Variants in SLC25A46 observed in about 807,000 individuals in gnomAD.
The protein encoded by SLC25A46 is mitochondrial outer membrane protein SLC25A46.
A neutral mutation model predicts 44.6 loss-of-function variants in SLC25A46; 39 were observed. The observed-to-expected ratio is 0.87, with a 90% confidence interval of 0.68 to 1.14. The LOEUF is 1.14. Ranked by LOEUF, SLC25A46 falls within the 50% of genes most tolerant of loss-of-function variation. The pLI, the probability that SLC25A46 is intolerant of heterozygous loss-of-function variation, is 0.00. For synonymous variants in SLC25A46, 202 were observed against 185.8 expected (o/e 1.09, Z -0.71); for missense variants, 547 against 522.7 (o/e 1.05, Z -0.45).
chr5:110,761,676 G>C lies in SLC25A46; in HGVS notation c.1151G>C (p.Gly384Ala), dbSNP rs1580871153. 6.2e-7 allele frequency: 1 copy of C among 1,613,486 alleles called. No homozygotes were observed. Residue 384 changes from glycine (G) to alanine (A), a missense_variant, in exon 8 of 8, where the codon GGT (glycine) becomes GCT (alanine). Gly to Ala is a moderately conservative substitution (Grantham distance 60). Coordinates refer to ENST00000355943, the MANE Select transcript of SLC25A46 (RefSeq NM_138773.4). This position sits in a 1 kb window ranked among gnomAD's most constrained non-coding sequence, Gnocchi z 5.3. ...NTIRQEEGVF[G>A]FYKGFGAVII... ...ATAAGGCAGGAGGAAGGAGTGTTTG[G>C]TTTTTATAAAGGGTTTGGTGCTGTT... is the stretch of plus-strand genomic sequence containing the variant.
chr5:110,744,123 A>C (rs976020905), intron 3 of SLC25A46, among the ~76,000 whole-genome samples: 1 of 152,174 alleles, frequency 6.6e-6, no homozygotes, highest in Non-Finnish European at 1.5e-5. Context: ...AATATCTTTA[A>C]TATCTGACAT....
Position 110,761,857 on chromosome 5 carries a change from G to A in SLC25A46, c.*75G>A, listed in dbSNP as rs75091658. ...TGCTATGAAGTTATGAGGGATACAAGTGAAATACTGGGGAAGAAAATGGAT... is the reference window on the plus strand; with the variant it reads ...TGCTATGAAGTTATGAGGGATACAAATGAAATACTGGGGAAGAAAATGGAT... On this transcript the variant is annotated 3_prime_UTR_variant, in exon 8 of 8. Coordinates refer to ENST00000355943, the MANE Select transcript of SLC25A46 (RefSeq NM_138773.4). This position sits in a 1 kb window ranked among gnomAD's most constrained non-coding sequence, Gnocchi z 5.3. The A allele has an allele frequency of 1.8e-3, 2,136 of 1,189,206 alleles. 56 individuals are homozygous for A. The East Asian group carries it at 0.048, about 27-fold the overall frequency. The allele number at this position is 1,189,206 out of a possible 1,614,324, so 73.7% of individuals were successfully genotyped here.
Position 110,739,230 on chromosome 5 carries a change from G to C in SLC25A46, c.111G>C (p.Ser37=), listed in dbSNP as rs1799537094. 6.3e-7 allele frequency: 1 copy of C among 1,578,058 alleles called. No homozygotes were observed. Among genetic ancestry groups the C allele is most frequent in the Non-Finnish European group, 8.6e-7 (1 of 1,162,614 alleles). Residue 37 remains serine, a synonymous_variant, in exon 1 of 8, where the codon TCG becomes TCC. Coordinates refer to ENST00000355943, the MANE Select transcript of SLC25A46 (RefSeq NM_138773.4). ...CTGCAAGGTCCTTCAGCACCGGGTC[G>C]GACCTGGGCCACTGGGTGACGACTC... The part of the protein sequence containing the change: ...AFPARSFSTG[S]DLGHWVTTPP...
At chr5:110,752,232 A>C (rs1799983488) in intron 5 of SLC25A46, among the ~76,000 whole-genome samples, 1 of 152,168 alleles carries the variant, frequency 6.6e-6, no homozygotes, top group Non-Finnish European at 1.5e-5. Context: ...TAAGTCAGCA[A>C]ATTTATAATT....
chr5:110,743,060 C>T (rs900170736), intron 2 of SLC25A46, among the ~76,000 whole-genome samples: 1 of 151,606 alleles, frequency 6.6e-6, no homozygotes, highest in East Asian at 1.9e-4. Flanking sequence ...AATATTTATA[C>T]TTAAAGCTTT....
chr5:110,752,137 A>G (rs1799981351), intron 5 of SLC25A46, among the ~76,000 whole-genome samples: 1 of 152,128 alleles, frequency 6.6e-6, no homozygotes, highest in Admixed American at 6.5e-5. Flanking sequence ...CAGGGGAGAT[A>G]GTACAGATTT....
chr5:110,739,472 G>A, intron 1 of SLC25A46, 70 bp downstream of exon 1: 1 of 1,488,622 alleles, frequency 6.7e-7, no homozygotes. Context: ...TGCAGACCCC[G>A]GAAGCGGCGC....
intron 1 of SLC25A46, 93 bp downstream of exon 1, chr5:110,739,495 C>T: frequency 6.9e-7 from 1 of 1,453,204 alleles, no homozygotes; most frequent in Non-Finnish European, 9.1e-7. Flanking sequence ...AGGATCCCGC[C>T]TCCTATTCCT....
chr5:110,744,464 TAA>T (rs1799766860), intron 3 of SLC25A46, among the ~76,000 whole-genome samples: 1 of 152,370 alleles, frequency 6.6e-6, no homozygotes, highest in Admixed American at 6.5e-5. Flanking sequence ...TAATTGTGCA[TAA>T]GTTATTTGAA....
chr5:110,746,462 T>C (rs1306314650), intron 4 of SLC25A46, 116 bp downstream of exon 4: 1 of 644,640 alleles, frequency 1.6e-6, no homozygotes, highest in Non-Finnish European at 2.7e-6. Context: ...TTAACTGTTG[T>C]AGTAAAACTA....
chr5:110,751,534 G>A, intron 5 of SLC25A46, among the ~76,000 whole-genome samples: 1 of 152,194 alleles, frequency 6.6e-6, no homozygotes, highest in East Asian at 1.9e-4. Context: ...GCCAGAACAT[G>A]TGTGGCCCTG....
chr5:110,740,135 A>C (rs1016351525), intron 1 of SLC25A46, among the ~76,000 whole-genome samples: 1 of 152,200 alleles, frequency 6.6e-6, no homozygotes, highest in Non-Finnish European at 1.5e-5. Flanking sequence ...TCTCCATGGG[A>C]TGTCAGAAAA....
chr5:110,754,405 T>C (rs1800052265), intron 5 of SLC25A46: 1 of 151,360 alleles, frequency 6.6e-6, no homozygotes, highest in African/African-American at 2.4e-5. Context: ...TTCTTTTCTT[T>C]TTTTTTTACC....
chr5:110,753,820 C>G (rs1800033481), intron 5 of SLC25A46: 1 of 152,084 alleles, frequency 6.6e-6, no homozygotes, highest in Non-Finnish European at 1.5e-5. Flanking sequence ...GCTACCCAGT[C>G]CTAAGTGTTT....
At chr5:110,752,242 T>G (rs1799983546) in intron 5 of SLC25A46, among the ~76,000 whole-genome samples, 2 of 152,140 alleles carry the variant, frequency 1.3e-5, no homozygotes, top group Non-Finnish European at 1.5e-5. Context: ...AATTTATAAT[T>G]TCTCAGTAGT....
intron 7 of SLC25A46, among the ~76,000 whole-genome samples, chr5:110,757,330 A>G (rs979047016): frequency 3.3e-5 from 5 of 152,162 alleles, no homozygotes; most frequent in African/African-American, 1.2e-4. Flanking sequence ...TGGCGCTTCA[A>G]GTACATTTAA....
intron 3 of SLC25A46, 31 bp downstream of exon 3, chr5:110,743,818 A>C (rs746664290): frequency 1.4e-5 from 22 of 1,554,546 alleles, no homozygotes; most frequent in Non-Finnish European, 1.8e-6. Context: ...CTTTTGAAGC[A>C]ATACTTCTGA....
Position 110,741,937 on chromosome 5 carries a change from A to G in SLC25A46, c.284-110A>G, listed in dbSNP as rs546091572. Reference sequence around the variant, plus strand: ...ATTTGACTTTGAGGTTTAAATGAACAGCAGGTTAATAAAATAAATTTTTTA... The same window carrying G: ...ATTTGACTTTGAGGTTTAAATGAACGGCAGGTTAATAAAATAAATTTTTTA... On this transcript the variant is annotated intron_variant, in intron 1 of 7. Coordinates refer to ENST00000355943, the MANE Select transcript of SLC25A46 (RefSeq NM_138773.4). 9.9e-5 allele frequency: 70 copies of G among 710,400 alleles called. No homozygotes were observed. The South Asian group carries it at 1.2e-3, about 12-fold the overall frequency. The allele number at this position is 710,400 out of a possible 1,614,324, so 44.0% of individuals were successfully genotyped here.
rs1443185139 is a variant in SLC25A46 at position 110,748,239 on chromosome 5, T to G, written c.539T>G (p.Ile180Ser). ...GTCACACTTGGAGCAGAAGGCATAA[T>G]TAGTGAATTTACACCTTTGCCAAGG... The part of the protein sequence containing the change: ...QGVTLGAEGI[I>S]SEFTPLPREV... The change falls in exon 5 of 8, where the codon ATT becomes AGT. Residue 180 changes from isoleucine to serine, a missense_variant. By Grantham distance (142) the Ile-to-Ser change is moderately radical. Transcript: ENST00000355943. The G allele has an allele frequency of 6.2e-7, 1 of 1,613,460 alleles. No homozygotes were observed. Among genetic ancestry groups the G allele is most frequent in the Admixed American group, 1.7e-5 (1 of 60,018 alleles).
Sources: gnomAD v4.1 joint callset for allele counts (sites outside exome capture counted in the v4.1 genomes callset) on GRCh38, gnomAD v4.1.1 for gene constraint, Gnocchi (gnomAD v3.1) non-coding constraint, MANE v1.5 for transcripts, NCBI Gene and HGNC (gene_info 2026-07-23, HGNC 2026-07-21) for gene names.